VPS41: variants seen among roughly 807,000 people sequenced by gnomAD.
VPS41 encodes vacuolar protein sorting-associated protein 41 homolog.
A neutral mutation model predicts 130.9 loss-of-function variants in VPS41; 85 were observed. That is an observed-to-expected ratio of 0.65 (90% CI 0.55 to 0.78). VPS41 has a LOEUF of 0.78. VPS41 is among the 30% of genes least tolerant of loss of function. VPS41 has a pLI of 0.00. For synonymous variants in VPS41, 335 were observed against 332.9 expected (o/e 1.01, Z -0.07); for missense variants, 874 against 1,018.7 (o/e 0.86, Z 1.93).
At chr7:38,809,153 C>T (rs1784891111) in intron 7 of VPS41, among the ~76,000 whole-genome samples, 1 of 151,832 alleles carries the variant, frequency 6.6e-6, no homozygotes, top group Admixed American at 6.6e-5. Context: ...ATACTAAATA[C>T]ATTTGGTATA....
At chr7:38,903,098 T>A (rs62443573) in intron 1 of VPS41, among the ~76,000 whole-genome samples, 39,049 of 152,170 alleles carry the variant, frequency 0.26, 6,434 homozygotes, top group Non-Finnish European at 0.38. Context: ...CAGACTCATG[T>A]CTGAATTATT....
At chr7:38,827,424 T>C (rs192403440) in intron 5 of VPS41, among the ~76,000 whole-genome samples, 1 of 152,214 alleles carries the variant, frequency 6.6e-6, no homozygotes, top group Non-Finnish European at 1.5e-5. Context: ...AGGAGAAGGG[T>C]AAATAGTGCT....
rs1004021431 is a variant in VPS41 at position 38,765,482 on chromosome 7, C to T, written c.1329+98G>A. 3.4e-5 allele frequency: 26 copies of T among 758,446 alleles called. No homozygotes were observed. In the African/African-American group the frequency reaches 3.9e-4, roughly 11 times the overall value. The allele number at this position is 758,446 out of a possible 1,614,324, so 47.0% of individuals were successfully genotyped here. A position where few individuals can be genotyped will look rare whatever the true frequency, so the allele number is the denominator to read the frequency against. Reference sequence around the variant, plus strand: ...TTCTTTCCATCTGAGATAATAATCACGTCCTAAAAAAGAGCTGAGTACTAT... The same window carrying T: ...TTCTTTCCATCTGAGATAATAATCATGTCCTAAAAAAGAGCTGAGTACTAT... On this transcript the variant is annotated intron_variant, in intron 16 of 28. Coordinates refer to ENST00000310301, the MANE Select transcript of VPS41 (RefSeq NM_014396.4).
At chr7:38,851,510 T>C (rs1785854517) in intron 4 of VPS41, among the ~76,000 whole-genome samples, 1 of 152,238 alleles carries the variant, frequency 6.6e-6, no homozygotes, top group Non-Finnish European at 1.5e-5. Context: ...TCATTCCTTT[T>C]TATTTTGAGT....
At chr7:38,732,185 G>C (rs1795678508) in intron 25 of VPS41, among the ~76,000 whole-genome samples, 1 of 152,124 alleles carries the variant, frequency 6.6e-6, no homozygotes, top group Non-Finnish European at 1.5e-5. Context: ...ACAACCCTGA[G>C]GTACACTCTC....
chr7:38,814,384 G>A (rs1784998610), intron 7 of VPS41, among the ~76,000 whole-genome samples: 1 of 152,204 alleles, frequency 6.6e-6, no homozygotes, highest in Non-Finnish European at 1.5e-5. Context: ...GGGCGTGGTG[G>A]CTCACGCCTG....
intron 13 of VPS41, among the ~76,000 whole-genome samples, chr7:38,772,060 G>A (rs1784164827): frequency 1.3e-5 from 2 of 151,526 alleles, no homozygotes; most frequent in East Asian, 1.9e-4. Context: ...TTTTTTAAGC[G>A]ATATTGGGCA....
chr7:38,855,035 C>T (rs992155923), intron 4 of VPS41, among the ~76,000 whole-genome samples: 4 of 151,456 alleles, frequency 2.6e-5, no homozygotes, highest in Non-Finnish European at 5.9e-5. Flanking sequence ...ATGATGAAAC[C>T]CTGTCTCTAC....
intron 25 of VPS41, among the ~76,000 whole-genome samples, chr7:38,737,894 G>C (rs374694485): frequency 3.9e-5 from 6 of 152,174 alleles, no homozygotes; most frequent in Admixed American, 3.3e-4. Flanking sequence ...TTGGCCTAAA[G>C]GCAATTCAGC....
At chr7:38,791,827 A>G (rs988800900) in intron 9 of VPS41, among the ~76,000 whole-genome samples, 3 of 152,180 alleles carry the variant, frequency 2.0e-5, no homozygotes, top group Non-Finnish European at 2.9e-5. Context: ...TATTCTAGCT[A>G]TACTGTTTAG....
At chr7:38,761,159 TTTCC>T (rs1031616918) in intron 17 of VPS41, among the ~76,000 whole-genome samples, 55 of 151,942 alleles carry the variant, frequency 3.6e-4, no homozygotes, top group African/African-American at 1.3e-3. Context: ...TCTGTTTCCC[TTTCC>T]TTGTCTTTCC....
chr7:38,766,789 T>C (rs1784053769), intron 15 of VPS41, among the ~76,000 whole-genome samples: 1 of 152,216 alleles, frequency 6.6e-6, no homozygotes, highest in Non-Finnish European at 1.5e-5. Context: ...TTCTCCTTCC[T>C]GCCTGCCTTG....
chr7:38,802,826 T>G (rs1297954360), intron 7 of VPS41, among the ~76,000 whole-genome samples: 1 of 152,216 alleles, frequency 6.6e-6, no homozygotes, highest in African/African-American at 2.4e-5. Flanking sequence ...TGAAAAAAAC[T>G]ACGCTTAAAA....
rs758878372 is a variant in VPS41 at position 38,724,399 on chromosome 7, A to G, written c.*1847T>C. ...AACTGAAAACTAGCAGTGTAGCAGA[A>G]AGCACACTAGTCTTGGGATAAGGAA... On this transcript the variant is annotated 3_prime_UTR_variant, in exon 29 of 29. Transcript: ENST00000310301. 6.6e-6 allele frequency: 1 copy of G among 152,238 alleles called. No homozygotes were observed. Among genetic ancestry groups the G allele is most frequent in the Non-Finnish European group, 1.5e-5 (1 of 68,042 alleles). 9.4% of individuals were successfully genotyped at this position (152,238 alleles called of 1,614,324 possible). A position where few individuals can be genotyped will look rare whatever the true frequency, so the allele number is the denominator to read the frequency against.
At chr7:38,837,837 C>T (rs543493631) in intron 4 of VPS41, among the ~76,000 whole-genome samples, 3 of 152,232 alleles carry the variant, frequency 2.0e-5, no homozygotes, top group African/African-American at 7.2e-5. Flanking sequence ...TTGGGTTACT[C>T]CTTTCTATGC....
At chr7:38,878,889 G>A (rs898086788) in intron 2 of VPS41, among the ~76,000 whole-genome samples, 1 of 152,324 alleles carries the variant, frequency 6.6e-6, no homozygotes, top group South Asian at 2.1e-4. Flanking sequence ...CAACGCACAG[G>A]TGCCAACAAT....
At chr7:38,789,743 A>G in intron 10 of VPS41, 58 bp downstream of exon 10, 4 of 1,578,392 alleles carry the variant, frequency 2.5e-6, no homozygotes, top group Non-Finnish European at 3.5e-6. Context: ...GAGATTAATG[A>G]AGACGAAAAT....
At chr7:38,887,546 C>T (rs186204934) in intron 2 of VPS41, among the ~76,000 whole-genome samples, 16 of 152,248 alleles carry the variant, frequency 1.1e-4, no homozygotes, top group African/African-American at 3.1e-4. Context: ...ACCAAATCTA[C>T]GTCTGATTGG....
At chr7:38,825,091 T>C (rs116297800) in intron 5 of VPS41, among the ~76,000 whole-genome samples, 3,240 of 152,318 alleles carry the variant, frequency 0.021, 44 homozygotes, top group African/African-American at 0.043. Context: ...CAGGCACCGA[T>C]ACACATCACT....
Sources: allele counts gnomAD v4.1 joint callset (sites outside exome capture counted in the v4.1 genomes callset), GRCh38; gene constraint gnomAD v4.1.1; transcripts MANE v1.5; gene names NCBI Gene and HGNC (gene_info 2026-07-23, HGNC 2026-07-21).